MALT1: variants seen among roughly 807,000 people sequenced by gnomAD.
MALT1 encodes MALT1 paracaspase, also known as mucosa-associated lymphoid tissue lymphoma translocation protein 1.
MALT1 carries 36 observed loss-of-function variants against 85.5 expected under a neutral mutation model. The ratio of observed to expected loss-of-function variants is 0.42; its 90% CI spans 0.32 to 0.56. The LOEUF (loss-of-function observed/expected upper bound fraction) is 0.56. MALT1 is among the 20% of genes least tolerant of loss of function. The pLI is 0.10. For missense variants in MALT1, 716 were observed against 981.6 expected (o/e 0.73, Z 3.62); for synonymous variants, 359 against 361.3 (o/e 0.99, Z 0.07).
At chr18:58,703,113 C>CT (rs753348798) in intron 4 of MALT1, among the ~76,000 whole-genome samples, 4 of 152,174 alleles carry the variant, frequency 2.6e-5, no homozygotes, top group Non-Finnish European at 5.9e-5. Context: ...ACTCCCAGCA[C>CT]TTTGGGAGGC....
intron 4 of MALT1, among the ~76,000 whole-genome samples, chr18:58,706,311 T>A (rs1458234453): frequency 6.6e-6 from 1 of 152,082 alleles, no homozygotes; most frequent in Non-Finnish European, 1.5e-5. Context: ...CTCTTACCAC[T>A]GTGCCCGGGT....
At position 58,727,616 on chromosome 18, in the gene MALT1, G is replaced by GTTTTTTTTTTTTTTTTTTTTTTTT. The variant is rs751434443; in HGVS notation, c.1222+4376_1222+4377insTTTTTTTTTTTTTTTTTTTTTTTT. 1.9e-4 allele frequency among the ~76,000 whole-genome samples: 23 copies of GTTTTTTTTTTTTTTTTTTTTTTTT among 121,258 alleles called. 2 individuals carry two copies. Among genetic ancestry groups the GTTTTTTTTTTTTTTTTTTTTTTTT allele is most frequent in the African/African-American group, 6.5e-4 (20 of 30,654 alleles). The allele number at this position is 121,258 out of a possible 152,430, so 79.5% of individuals were successfully genotyped here. The stretch of plus-strand genomic sequence containing the variant: ...ACCCAGCCTGCCAAAGGTTTTTTGT[G>GTTTTTTTTTTTTTTTTTTTTTTTT]TTTTTTTTTTTGTTTTTTTTTTTTT... On this transcript the variant is annotated intron_variant, in intron 10 of 16. Coordinates refer to ENST00000649217, the MANE Select transcript of MALT1 (RefSeq NM_006785.4).
rs765882692 is a variant in MALT1, at chr18:58,754,393, C to T, written c.*6551C>T. The T allele has an allele frequency of 1.3e-5, 2 of 152,192 alleles. No homozygotes were observed. The highest frequency in any genetic ancestry group is 4.8e-5 in the African/African-American group (2 of 41,438). The allele number at this position is 152,192 out of a possible 1,614,324, so 9.4% of individuals were successfully genotyped here. A position where few individuals can be genotyped will look rare whatever the true frequency, so the allele number is the denominator to read the frequency against. On this transcript the variant is annotated 3_prime_UTR_variant, in exon 17 of 17. Transcript: ENST00000649217. ...AGGATTTGACCTGAAGTTAATGTTG[C>T]TACATTATGCTCAATACAGCAGGCT...
At chr18:58,736,304 T>A (rs1478426507) in intron 13 of MALT1, among the ~76,000 whole-genome samples, 1 of 152,160 alleles carries the variant, frequency 6.6e-6, no homozygotes, top group Non-Finnish European at 1.5e-5. Flanking sequence ...ACTTAGCCAC[T>A]TTTCCATTTA....
chr18:58,679,774 C>G (rs929265325), intron 1 of MALT1, among the ~76,000 whole-genome samples: 1 of 152,140 alleles, frequency 6.6e-6, no homozygotes, highest in African/African-American at 2.4e-5. Flanking sequence ...GTCTCAAACT[C>G]CTGGCTTGAT....
chr18:58,697,092 G>A (rs2054601195), intron 3 of MALT1: 1 of 152,164 alleles, frequency 6.6e-6, no homozygotes, highest in African/African-American at 2.4e-5. Context: ...TCAGTGGGCT[G>A]GCTGCCTGCA....
At chr18:58,735,678 G>A (rs2055212949) in intron 13 of MALT1, among the ~76,000 whole-genome samples, 1 of 152,002 alleles carries the variant, frequency 6.6e-6, no homozygotes, top group Non-Finnish European at 1.5e-5. Flanking sequence ...GAGGGTGGGT[G>A]GGTGGCATGG....
intron 10 of MALT1, among the ~76,000 whole-genome samples, chr18:58,725,468 G>A (rs1389151559): frequency 2.0e-5 from 3 of 152,136 alleles, no homozygotes; most frequent in African/African-American, 7.2e-5. Context: ...AAGTCTTTCG[G>A]ATAAAGGATA....
intron 7 of MALT1, among the ~76,000 whole-genome samples, chr18:58,712,660 T>C (rs1308599871): frequency 2.0e-5 from 3 of 152,134 alleles, no homozygotes; most frequent in Non-Finnish European, 4.4e-5. Flanking sequence ...TTACCATGTC[T>C]CTCAAAATAG....
intron 2 of MALT1, among the ~76,000 whole-genome samples, chr18:58,688,162 G>A (rs1290695208): frequency 6.6e-6 from 1 of 152,106 alleles, no homozygotes; most frequent in Non-Finnish European, 1.5e-5. Flanking sequence ...AGGCTTTGTG[G>A]GAGGAAGGAA....
In MALT1 at chr18:58,752,489, C is replaced by T. The variant is rs1302101048; in HGVS notation, c.*4647C>T. 2 of 152,020 alleles carry T rather than the reference C, an allele frequency of 1.3e-5. No individual in the cohort carries two copies. The highest frequency in any genetic ancestry group is 2.4e-5 in the African/African-American group (1 of 41,378). The allele number at this position is 152,020 out of a possible 1,614,324, so 9.4% of individuals were successfully genotyped here. On this transcript the variant is annotated 3_prime_UTR_variant, in exon 17 of 17. Transcript: ENST00000649217. ...ATTGTCATTCAAATTCAGAGTTTGA[C>T]ACTGAAACCCTGGGCATGGTGGCTC...
intron 13 of MALT1, among the ~76,000 whole-genome samples, chr18:58,737,655 T>A (rs534299902): frequency 6.6e-6 from 1 of 152,304 alleles, no homozygotes; most frequent in East Asian, 1.9e-4. Flanking sequence ...TGATCTTGGC[T>A]TACTGCAACG....
At chr18:58,730,125 G>A (rs901505065) in intron 10 of MALT1, among the ~76,000 whole-genome samples, 1 of 152,218 alleles carries the variant, frequency 6.6e-6, no homozygotes, top group African/African-American at 2.4e-5. Context: ...AAGCAGTAAA[G>A]AGACTGATGG....
rs2054158957 is a variant in MALT1 at position 58,671,555 on chromosome 18, G to C, written c.-89G>C. 1 of 870,432 alleles carries C rather than the reference G, an allele frequency of 1.1e-6. No individual in the cohort carries two copies. Among genetic ancestry groups the C allele is most frequent in the East Asian group, 3.6e-5 (1 of 27,934 alleles). The allele number at this position is 870,432 out of a possible 1,614,324, so 53.9% of individuals were successfully genotyped here. On this transcript the variant is annotated 5_prime_UTR_variant, in exon 1 of 17. Coordinates refer to ENST00000649217, the MANE Select transcript of MALT1 (RefSeq NM_006785.4). Reference sequence around the variant, plus strand: ...TTGTTCTTCCGCCCCTGCCTCCGCGGCTCGGAGGCGAGCGGAAGGTGCCCC... The same window carrying C: ...TTGTTCTTCCGCCCCTGCCTCCGCGCCTCGGAGGCGAGCGGAAGGTGCCCC...
At chr18:58,717,318 G>A (rs1057406485) in intron 9 of MALT1, among the ~76,000 whole-genome samples, 2 of 151,280 alleles carry the variant, frequency 1.3e-5, no homozygotes, top group Admixed American at 6.6e-5. Flanking sequence ...AGCTGAGATC[G>A]TGCCATTGCA....
At position 58,698,067 on chromosome 18, in the gene MALT1, G is replaced by T. The variant is rs1307399364; in HGVS notation, c.498+1580G>T. On this transcript the variant is annotated intron_variant, in intron 3 of 16. Transcript: ENST00000649217. ...GTTGTTGTTGTTGTTGTTTTGTTTT[G>T]TTTTTTTGTTTTTTTTTTGAGATGG... 3.9e-3 allele frequency among the ~76,000 whole-genome samples: 290 copies of T among 74,976 alleles called. 1 individual carries two copies. The highest frequency in any genetic ancestry group is 6.5e-3 in the Non-Finnish European group (204 of 31,156). 49.2% of individuals were successfully genotyped at this position (74,976 alleles called of 152,430 possible).
In MALT1 at chr18:58,692,518, C is replaced by T. The variant is rs905942922; in HGVS notation, c.377-3848C>T. On this transcript the variant is annotated intron_variant, in intron 2 of 16. Transcript: ENST00000649217. ...ACTCCCTCTTTGGGCCTCCCTATTC[C>T]CTGAGACACAACAATATTGAAATTA... Among the ~76,000 whole-genome samples the T allele has an allele frequency of 5.6e-5, 8 of 141,866 alleles. No individual in the cohort carries two copies. In the East Asian group the frequency reaches 1.4e-3, roughly 25 times the overall value. 93.1% of individuals were successfully genotyped at this position (141,866 alleles called of 152,430 possible). A position where few individuals can be genotyped will look rare whatever the true frequency, so the allele number is the denominator to read the frequency against.
intron 4 of MALT1, among the ~76,000 whole-genome samples, chr18:58,707,992 C>T (rs1249024742): frequency 6.6e-6 from 1 of 152,194 alleles, no homozygotes; most frequent in African/African-American, 2.4e-5. Context: ...TATTGGACCA[C>T]TGAAGCATTT....
chr18:58,724,775 G>A (rs1409244143), intron 10 of MALT1, among the ~76,000 whole-genome samples: 14 of 152,128 alleles, frequency 9.2e-5, no homozygotes, highest in African/African-American at 2.7e-4. Flanking sequence ...TTGGGAGGCC[G>A]AGGTGGGTGG....
Sources: allele counts gnomAD v4.1 joint callset (sites outside exome capture counted in the v4.1 genomes callset), GRCh38; gene constraint gnomAD v4.1.1; transcripts MANE v1.5; gene names NCBI Gene and HGNC (gene_info 2026-07-23, HGNC 2026-07-21).